Variants in GRAMD1B observed in about 807,000 individuals in gnomAD.
GRAMD1B encodes the protein GRAM domain containing 1B.
Under a neutral mutation model 99.7 loss-of-function variants are expected in GRAMD1B, and 37 were observed. That is an observed-to-expected ratio of 0.37 (90% CI 0.29 to 0.49). GRAMD1B has a LOEUF of 0.49. Ranked by LOEUF, GRAMD1B falls within the 20% of genes least tolerant of loss-of-function variation. The pLI is 0.98. For synonymous variants in GRAMD1B, 427 were observed against 387.6 expected (o/e 1.10, Z -1.19); for missense variants, 888 against 1,009.2 (o/e 0.88, Z 1.63).
chr11:123,499,925 C>A (rs1200306887), intron 2 of GRAMD1B, among the ~76,000 whole-genome samples: 4 of 152,232 alleles, frequency 2.6e-5, no homozygotes, highest in Non-Finnish European at 5.9e-5. Flanking sequence ...ATTTCTCCCA[C>A]TCATCTTTTT....
At chr11:123,477,632 C>T (rs548677503) in intron 1 of GRAMD1B, among the ~76,000 whole-genome samples, 1 of 134,332 alleles carries the variant, frequency 7.4e-6, no homozygotes, top group South Asian at 3.0e-4. Flanking sequence ...TCTCTCCCCT[C>T]CCCTCCCTTC....
At chr11:123,557,894 G>A (rs1946316425) in intron 2 of GRAMD1B, among the ~76,000 whole-genome samples, 1 of 151,394 alleles carries the variant, frequency 6.6e-6, no homozygotes, top group Admixed American at 6.6e-5. Flanking sequence ...AGTGAGTGGG[G>A]AAGTTAGGAC....
At chr11:123,372,153 A>C (rs1028697067) in intron 1 of GRAMD1B, among the ~76,000 whole-genome samples, 1 of 152,236 alleles carries the variant, frequency 6.6e-6, no homozygotes, top group South Asian at 2.1e-4. Context: ...GTAGGAGACT[A>C]AATGTAATTA....
At chr11:123,444,248 A>G (rs930978002) in intron 1 of GRAMD1B, among the ~76,000 whole-genome samples, 1 of 152,168 alleles carries the variant, frequency 6.6e-6, no homozygotes, top group Non-Finnish European at 1.5e-5. Context: ...AAATATTTCA[A>G]CTTCCTTCTT....
At chr11:123,448,429 G>A (rs1459972590) in intron 1 of GRAMD1B, among the ~76,000 whole-genome samples, 1 of 151,472 alleles carries the variant, frequency 6.6e-6, no homozygotes, top group African/African-American at 2.4e-5. Flanking sequence ...CATATTGGCC[G>A]GGCTGGTCTC....
At chr11:123,596,211 G>A (rs891191127) in intron 7 of GRAMD1B, among the ~76,000 whole-genome samples, 174 bp downstream of exon 7, 1 of 152,210 alleles carries the variant, frequency 6.6e-6, no homozygotes, top group African/African-American at 2.4e-5. Flanking sequence ...GGGGGAGGCT[G>A]AGCAGCGGGA....
chr11:123,480,407 C>T lies in GRAMD1B; in HGVS notation c.375-409C>T, dbSNP rs1444860310. The stretch of plus-strand genomic sequence containing the variant: ...CACACATCTCACACCCTCCCCACAA[C>T]ACCCCACCCAGTCCATGTCAGTGGC... On this transcript the variant is annotated intron_variant, in intron 1 of 19. Transcript: ENST00000635736. 2.0e-5 allele frequency among the ~76,000 whole-genome samples: 3 copies of T among 152,086 alleles called. No homozygotes were observed. The East Asian group carries it at 5.8e-4, about 29-fold the overall frequency.
intron 1 of GRAMD1B, among the ~76,000 whole-genome samples, chr11:123,448,467 G>A (rs568823328): frequency 2.0e-5 from 3 of 152,282 alleles, no homozygotes; most frequent in East Asian, 1.9e-4. Context: ...CAATTCGCCC[G>A]CCTTGGCCTC....
chr11:123,591,987 C>A lies in GRAMD1B; in HGVS notation c.685-2095C>A, dbSNP rs1459189549. 2.0e-5 allele frequency among the ~76,000 whole-genome samples: 3 copies of A among 152,200 alleles called. No homozygotes were observed. The highest frequency in any genetic ancestry group is 7.2e-5 in the African/African-American group (3 of 41,452). Reference sequence around the variant, plus strand: ...GTGGCCAAACGCCCTGTACCTCCACCTCTGTGGATACCTGAGCTATTACTG... The same window carrying A: ...GTGGCCAAACGCCCTGTACCTCCACATCTGTGGATACCTGAGCTATTACTG... On this transcript the variant is annotated intron_variant, in intron 4 of 19. Transcript: ENST00000635736. The surrounding 1 kb of genome is among the most constrained non-coding windows in gnomAD (Gnocchi z 4.7).
chr11:123,395,332 A>C (rs561307670), intron 1 of GRAMD1B, among the ~76,000 whole-genome samples: 2 of 152,236 alleles, frequency 1.3e-5, no homozygotes, highest in African/African-American at 4.8e-5. Context: ...TTACATAGTA[A>C]AATTGGGGGA....
In GRAMD1B at chr11:123,430,784, A is replaced by ACGGCCCCCATGCCGG. The variant is rs1359830938; in HGVS notation, c.-3_12dup. The ACGGCCCCCATGCCGG allele has an allele frequency of 8.9e-6, 6 of 670,530 alleles. No homozygotes were observed. The highest frequency in any genetic ancestry group is 1.3e-5 in the Non-Finnish European group (5 of 371,434). The allele number at this position is 670,530 out of a possible 1,614,324, so 41.5% of individuals were successfully genotyped here. On this transcript the variant is annotated 5_prime_UTR_variant, in exon 1 of 20. It adds an upstream start codon to the 5' untranslated region. Transcript: ENST00000635736. ...AGGGCTCAGGGGGAGCGCAGAGGCG[A>ACGGCCCCCATGCCGG]CGGCCCCCATGCCGGCGGCCAACAT... is the stretch of plus-strand genomic sequence containing the variant.
At chr11:123,373,145 AT>A (rs1946583374) in intron 1 of GRAMD1B, among the ~76,000 whole-genome samples, 1 of 152,220 alleles carries the variant, frequency 6.6e-6, no homozygotes, top group South Asian at 2.1e-4. Context: ...TCTCAAAAAA[AT>A]ATATAAATAA....
At chr11:123,468,867 A>T (rs1409023900) in intron 1 of GRAMD1B, among the ~76,000 whole-genome samples, 1 of 151,488 alleles carries the variant, frequency 6.6e-6, no homozygotes, top group Non-Finnish European at 1.5e-5. Context: ...ACCAAGGAAG[A>T]TTTACTACTT....
At position 123,513,613 on chromosome 11, in the gene GRAMD1B, C is replaced by CTTTCTTTCTTTCTTT. The variant is rs1491409860; in HGVS notation, c.452+32720_452+32721insTTTCTTTCTTTCTTT. Among the ~76,000 whole-genome samples, 348 of 40,446 alleles carry CTTTCTTTCTTTCTTT rather than the reference C, an allele frequency of 8.6e-3. 3 individuals are homozygous for CTTTCTTTCTTTCTTT. Among genetic ancestry groups the CTTTCTTTCTTTCTTT allele is most frequent in the Non-Finnish European group, 0.011 (172 of 15,024 alleles). 26.5% of individuals were successfully genotyped at this position (40,446 alleles called of 152,430 possible). On this transcript the variant is annotated intron_variant, in intron 2 of 19. Transcript: ENST00000635736. ...TCCTTCCTTCCTTCCTTCCTTCCTT[C>CTTTCTTTCTTTCTTT]CTTCCTTTCTTTCTTTCTTTCTTTC...
intron 1 of GRAMD1B, among the ~76,000 whole-genome samples, chr11:123,443,043 T>A (rs1024201092): frequency 6.6e-6 from 1 of 152,184 alleles, no homozygotes; most frequent in African/African-American, 2.4e-5. Context: ...GCAAGGTCTT[T>A]ATGACCTGTA....
intron 1 of GRAMD1B, among the ~76,000 whole-genome samples, chr11:123,431,620 T>C (rs1948894460): frequency 6.6e-6 from 1 of 152,176 alleles, no homozygotes; most frequent in South Asian, 2.1e-4. Context: ...AACAGTTAAG[T>C]GGTTTATATT....
chr11:123,598,231 C>T, intron 7 of GRAMD1B: 3 of 1,403,166 alleles, frequency 2.1e-6, no homozygotes, highest in Middle Eastern at 2.4e-4. Context: ...ACAGATCTCA[C>T]AGTTGTAGTT....
At chr11:123,399,601 A>AT (rs1461646259) in intron 1 of GRAMD1B, among the ~76,000 whole-genome samples, 1 of 136,844 alleles carries the variant, frequency 7.3e-6, no homozygotes, top group Non-Finnish European at 1.6e-5. Flanking sequence ...ACCAACACTT[A>AT]CCTTTTGTAT....
At chr11:123,424,904 A>T (rs1168787417) in intron 1 of GRAMD1B, among the ~76,000 whole-genome samples, 1 of 152,228 alleles carries the variant, frequency 6.6e-6, no homozygotes, top group Non-Finnish European at 1.5e-5. Context: ...TTCTAGCGTA[A>T]CAACTACTTG....
Sources: allele counts gnomAD v4.1 joint callset (sites outside exome capture counted in the v4.1 genomes callset), GRCh38; gene constraint gnomAD v4.1.1; non-coding constraint Gnocchi (gnomAD v3.1); transcripts MANE v1.5; gene names NCBI Gene and HGNC (gene_info 2026-07-23, HGNC 2026-07-21).